Variants in RBFOX3 observed in about 807,000 individuals in gnomAD.
RBFOX3 encodes RNA binding fox-1 homolog 3.
A neutral mutation model predicts 48.7 loss-of-function variants in RBFOX3; 17 were observed. The observed-to-expected ratio is 0.35, with a 90% CI of 0.24 to 0.52. The LOEUF is 0.52. RBFOX3 is among the 20% of genes least tolerant of loss of function. The pLI is 0.94. For synonymous variants in RBFOX3, 212 were observed against 209.5 expected, an observed-to-expected ratio of 1.01 and a Z score of -0.10; for missense variants, 382 against 497.5, an observed-to-expected ratio of 0.77 and a Z score of 2.21.
chr17:79,508,562 T>TGGA (rs1302752497), intron 1 of RBFOX3, among the ~76,000 whole-genome samples: 2 of 152,134 alleles, frequency 1.3e-5, no homozygotes, highest in African/African-American at 4.8e-5. Flanking sequence ...CGAAGCTGAC[T>TGGA]GGAGTTTTAA....
At chr17:79,221,768 T>G (rs2059759400) in intron 4 of RBFOX3, among the ~76,000 whole-genome samples, 1 of 152,184 alleles carries the variant, frequency 6.6e-6, no homozygotes, top group Non-Finnish European at 1.5e-5. Context: ...CCTCTGGCTC[T>G]GCTCCCTGGC....
intron 5 of RBFOX3, among the ~76,000 whole-genome samples, chr17:79,110,629 C>T (rs1465011740): frequency 6.6e-6 from 1 of 152,236 alleles, no homozygotes; most frequent in Non-Finnish European, 1.5e-5. Flanking sequence ...TGGTGGGCAG[C>T]CAGTCAGCCT....
Position 79,242,184 on chromosome 17 carries a change from A to T in RBFOX3, c.-73-6379T>A, listed in dbSNP as rs2062474870. ...AAAGACCTTGGGAGCTCTGGTTCCC[A>T]GCGTGCTGCTGCTGCTGGTGGAGGG... On this transcript the variant is annotated intron_variant, in intron 3 of 14. Coordinates refer to ENST00000693108, the MANE Select transcript of RBFOX3 (RefSeq NM_001350451.2). This position sits in a 1 kb window ranked among gnomAD's most constrained non-coding sequence, Gnocchi z 5.8. Among the ~76,000 whole-genome samples, 1 of 152,154 alleles carries T rather than the reference A, an allele frequency of 6.6e-6. No homozygotes were observed. Among genetic ancestry groups the T allele is most frequent in the African/African-American group, 2.4e-5 (1 of 41,426 alleles).
chr17:79,132,281 G>A (rs1280428571), intron 4 of RBFOX3, among the ~76,000 whole-genome samples: 1 of 148,952 alleles, frequency 6.7e-6, no homozygotes, highest in Non-Finnish European at 1.5e-5. Flanking sequence ...GTGGGGTGGG[G>A]TGGGGGGCAG....
At chr17:79,466,857 G>A (rs911527759) in intron 2 of RBFOX3, among the ~76,000 whole-genome samples, 31 of 152,142 alleles carry the variant, frequency 2.0e-4, no homozygotes, top group Non-Finnish European at 4.4e-4. Context: ...CCCCACCTAG[G>A]GCAGCCCACA....
intron 2 of RBFOX3, among the ~76,000 whole-genome samples, chr17:79,449,307 G>A (rs1458295254): frequency 2.0e-5 from 3 of 151,822 alleles, no homozygotes; most frequent in Non-Finnish European, 2.9e-5. Flanking sequence ...GCTAACCCCC[G>A]TTAACCCCTT....
chr17:79,092,496 A>G lies in RBFOX3; in HGVS notation c.1078-1611T>C, dbSNP rs2074127300. The G allele has an allele frequency of 8.1e-6, 8 of 985,890 alleles. No individual in the cohort carries two copies. In the South Asian group the frequency reaches 3.8e-4, roughly 46 times the overall value. The allele number at this position is 985,890 out of a possible 1,614,324, so 61.1% of individuals were successfully genotyped here. On this transcript the variant is annotated intron_variant, in intron 14 of 14. Transcript: ENST00000693108. ...CCAGCCGTGCGTGTCGCTGACCGGG[A>G]GGGGTGCACTGTCTTCTGGTGGCTG...
At chr17:79,513,454 A>G (rs997339014) in intron 1 of RBFOX3, among the ~76,000 whole-genome samples, 1 of 152,218 alleles carries the variant, frequency 6.6e-6, no homozygotes, top group African/African-American at 2.4e-5. Context: ...TGGCTGTGCC[A>G]TGGCCAGGTG....
intron 1 of RBFOX3, among the ~76,000 whole-genome samples, chr17:79,495,823 G>C (rs1356879678): frequency 1.3e-5 from 2 of 151,610 alleles, no homozygotes; most frequent in Non-Finnish European, 2.9e-5. Flanking sequence ...GCAGAAGGTG[G>C]TTGGGGGTGT....
intron 4 of RBFOX3, among the ~76,000 whole-genome samples, chr17:79,148,370 A>G (rs1162297515): frequency 2.0e-5 from 3 of 152,170 alleles, no homozygotes; most frequent in Non-Finnish European, 2.9e-5. Context: ...CTAGAAGCTC[A>G]AACATGCCCT....
At position 79,199,748 on chromosome 17, in the gene RBFOX3, T is replaced by A. The variant is rs567844537; in HGVS notation, c.-34+36018A>T. On this transcript the variant is annotated intron_variant, in intron 4 of 14. Transcript: ENST00000693108. The surrounding 1 kb of genome is among the most constrained non-coding windows in gnomAD (Gnocchi z 5.1). ...GACACAGATATGACATTGCTGCTGCTGTAGGATTTCTGAAGCACGCTGAAC... is the reference window on the plus strand; with the variant it reads ...GACACAGATATGACATTGCTGCTGCAGTAGGATTTCTGAAGCACGCTGAAC... Among the ~76,000 whole-genome samples, 1 of 152,320 alleles carries A rather than the reference T, an allele frequency of 6.6e-6. No individual in the cohort carries two copies. The highest frequency in any genetic ancestry group is 1.9e-4 in the East Asian group (1 of 5,194).
At chr17:79,342,397 A>C (rs2082244818) in intron 2 of RBFOX3, among the ~76,000 whole-genome samples, 1 of 151,824 alleles carries the variant, frequency 6.6e-6, no homozygotes, top group Non-Finnish European at 1.5e-5. Flanking sequence ...TCAGAGTCGA[A>C]GTCTCTCTCT....
At chr17:79,330,456 G>T (rs1430937217) in intron 2 of RBFOX3, among the ~76,000 whole-genome samples, 3 of 151,898 alleles carry the variant, frequency 2.0e-5, no homozygotes, top group African/African-American at 4.8e-5. Flanking sequence ...ACCTGTTGTG[G>T]TTTTTTTTCT....
intron 2 of RBFOX3, among the ~76,000 whole-genome samples, chr17:79,451,864 T>C (rs1555741840): frequency 6.6e-6 from 1 of 152,242 alleles, no homozygotes; most frequent in African/African-American, 2.4e-5. Flanking sequence ...CAAGGGATCA[T>C]ACGTGCTTCA....
At chr17:79,652,875 C>T in the RBFOX3 span, among the ~76,000 whole-genome samples, 2 of 151,924 alleles carry the variant, frequency 1.3e-5, no homozygotes, top group Non-Finnish European at 2.9e-5. Context: ...TTCCAAGTGT[C>T]CAAACAATGA....
chr17:79,429,374 G>A (rs947495425), intron 2 of RBFOX3, among the ~76,000 whole-genome samples: 5 of 152,350 alleles, frequency 3.3e-5, no homozygotes, highest in Middle Eastern at 3.4e-3. Flanking sequence ...AAGAAGAAAC[G>A]CTTGAAGTCC....
the RBFOX3 span, among the ~76,000 whole-genome samples, chr17:79,641,868 C>T: frequency 6.6e-6 from 1 of 152,136 alleles, no homozygotes; most frequent in East Asian, 1.9e-4. Flanking sequence ...GTGGCACCTT[C>T]CCCTCTCTCT....
intron 2 of RBFOX3, among the ~76,000 whole-genome samples, chr17:79,308,216 G>T (rs974997181): frequency 6.6e-6 from 1 of 152,178 alleles, no homozygotes; most frequent in Non-Finnish European, 1.5e-5. Context: ...TGCCAGCAGA[G>T]CCTCCTTGGG....
intron 1 of RBFOX3, among the ~76,000 whole-genome samples, chr17:79,488,994 T>C (rs1366599067): frequency 6.6e-6 from 1 of 152,200 alleles, no homozygotes; most frequent in African/African-American, 2.4e-5. Context: ...GTTTGGGTTT[T>C]TATAGCATTT....
Sources: gnomAD v4.1 joint callset for allele counts (sites outside exome capture counted in the v4.1 genomes callset) on GRCh38, gnomAD v4.1.1 for gene constraint, Gnocchi (gnomAD v3.1) non-coding constraint, MANE v1.5 for transcripts, NCBI Gene and HGNC (gene_info 2026-07-23, HGNC 2026-07-21) for gene names.